The following SLC24A3 variants were observed in gnomAD, a reference collection of about 807,000 sequenced individuals.
SLC24A3 encodes the protein solute carrier family 24 member 3.
In SLC24A3, 28 loss-of-function variants were observed where a neutral mutation model predicts 75.8. The ratio of observed to expected loss-of-function variants is 0.37; its 90% CI spans 0.27 to 0.51. SLC24A3 has a LOEUF of 0.51. SLC24A3 is among the 20% of genes least tolerant of loss of function. SLC24A3 has a pLI of 0.94. For synonymous variants in SLC24A3, 372 were observed against 334.1 expected (o/e 1.11, Z -1.24); for missense variants, 663 against 847.8 (o/e 0.78, Z 2.71).
At chr20:19,589,870 C>G (rs763965106) in intron 6 of SLC24A3, among the ~76,000 whole-genome samples, 13 of 152,040 alleles carry the variant, frequency 8.6e-5, no homozygotes, top group Non-Finnish European at 1.9e-4. Flanking sequence ...GGCAAAGAGT[C>G]TATTGTCTGG....
intron 6 of SLC24A3, among the ~76,000 whole-genome samples, chr20:19,602,463 C>T (rs1007747470): frequency 5.3e-5 from 8 of 152,164 alleles, no homozygotes; most frequent in African/African-American, 1.9e-4. Context: ...CCTCTACCTT[C>T]TCCTTTACCC....
intron 3 of SLC24A3, among the ~76,000 whole-genome samples, chr20:19,551,674 T>G (rs2030696972): frequency 6.6e-6 from 1 of 151,892 alleles, no homozygotes; most frequent in Non-Finnish European, 1.5e-5. Flanking sequence ...CCCTTTAGCC[T>G]GGGCTGCCAT....
chr20:19,351,652 A>T (rs1234304814), intron 2 of SLC24A3, among the ~76,000 whole-genome samples: 1 of 151,914 alleles, frequency 6.6e-6, no homozygotes, highest in Non-Finnish European at 1.5e-5. Context: ...AGCATCTTTT[A>T]TCGATAGTTG....
At chr20:19,700,698 A>G (rs968133051) in intron 15 of SLC24A3, among the ~76,000 whole-genome samples, 2 of 152,186 alleles carry the variant, frequency 1.3e-5, no homozygotes, top group African/African-American at 2.4e-5. Context: ...AATTTTATAC[A>G]TTGCTTTTTA....
intron 2 of SLC24A3, among the ~76,000 whole-genome samples, chr20:19,317,070 AG>A (rs1984604261): frequency 6.6e-6 from 1 of 152,182 alleles, no homozygotes; most frequent in Non-Finnish European, 1.5e-5. Context: ...CAATGGGGAA[AG>A]GATTCCCTAT....
At chr20:19,634,179 T>G (rs2031971556) in intron 6 of SLC24A3, among the ~76,000 whole-genome samples, 1 of 152,172 alleles carries the variant, frequency 6.6e-6, no homozygotes, top group East Asian at 1.9e-4. Context: ...ATGTGCTATT[T>G]AAAGGGAAGC....
intron 6 of SLC24A3, among the ~76,000 whole-genome samples, chr20:19,624,960 G>C (rs918724882): frequency 6.6e-6 from 1 of 152,140 alleles, no homozygotes; most frequent in Non-Finnish European, 1.5e-5. Flanking sequence ...CAATGGAATG[G>C]TTCTTATGAT....
intron 11 of SLC24A3, among the ~76,000 whole-genome samples, chr20:19,684,783 G>C (rs548736227): frequency 5.5e-4 from 83 of 152,284 alleles, no homozygotes; most frequent in African/African-American, 1.9e-3. Flanking sequence ...CTCACATAGG[G>C]ACCCAGGAAC....
intron 3 of SLC24A3, among the ~76,000 whole-genome samples, chr20:19,558,479 T>G (rs1393213467): frequency 1.3e-5 from 2 of 152,138 alleles, no homozygotes; most frequent in Admixed American, 6.5e-5. Flanking sequence ...ACTTCACCAG[T>G]TTTCCCACCA....
At chr20:19,314,027 A>T (rs1160870162) in intron 2 of SLC24A3, among the ~76,000 whole-genome samples, 1 of 152,162 alleles carries the variant, frequency 6.6e-6, no homozygotes, top group Admixed American at 6.5e-5. Flanking sequence ...GCATCCCCTG[A>T]TGAAATTCAC....
chr20:19,721,460 C>T lies in SLC24A3; in HGVS notation c.*320C>T. The T allele has an allele frequency of 3.7e-6, 1 of 272,938 alleles. No homozygotes were observed. Among genetic ancestry groups the T allele is most frequent in the African/African-American group, 2.2e-5 (1 of 45,510 alleles). The allele number at this position is 272,938 out of a possible 1,614,324, so 16.9% of individuals were successfully genotyped here. ...CTGCTAACTGGCCTGAGCCAGGCAACACTGATTCCAATCCCTCCTCCTTTT... is the reference window on the plus strand; with the variant it reads ...CTGCTAACTGGCCTGAGCCAGGCAATACTGATTCCAATCCCTCCTCCTTTT... On this transcript the variant is annotated 3_prime_UTR_variant, in exon 17 of 17. Coordinates refer to ENST00000328041, the MANE Select transcript of SLC24A3 (RefSeq NM_020689.4).
At chr20:19,395,443 A>T (rs981163000) in intron 2 of SLC24A3, among the ~76,000 whole-genome samples, 1 of 152,134 alleles carries the variant, frequency 6.6e-6, no homozygotes, top group Admixed American at 6.5e-5. Flanking sequence ...TAGTTTGTAG[A>T]TTTTTCTTTC....
intron 2 of SLC24A3, among the ~76,000 whole-genome samples, chr20:19,439,609 CA>C (rs1270520882): frequency 6.6e-6 from 1 of 152,136 alleles, no homozygotes; most frequent in Admixed American, 6.5e-5. Flanking sequence ...CCTGATTCAC[CA>C]AAAACAAACC....
chr20:19,568,148 A>G (rs2030990627), intron 3 of SLC24A3, among the ~76,000 whole-genome samples: 1 of 152,234 alleles, frequency 6.6e-6, no homozygotes, highest in East Asian at 1.9e-4. Context: ...GGTGTTGGCA[A>G]GGATGTGGAG....
rs543012024 is a variant in SLC24A3, at chr20:19,559,739, T to G, written c.349-20261T>G. 3.8e-4 allele frequency among the ~76,000 whole-genome samples: 58 copies of G among 152,236 alleles called. 1 individual carries two copies. The South Asian group carries it at 0.012, about 32-fold the overall frequency. ...TGAGAATCATTAATTACATAATTAT[T>G]TGTAATAATTATGAGAAATTTTGAT... On this transcript the variant is annotated intron_variant, in intron 3 of 16. Coordinates refer to ENST00000328041, the MANE Select transcript of SLC24A3 (RefSeq NM_020689.4).
At chr20:19,699,693 A>G (rs2032849805) in intron 15 of SLC24A3, among the ~76,000 whole-genome samples, 1 of 152,202 alleles carries the variant, frequency 6.6e-6, no homozygotes, top group African/African-American at 2.4e-5. Flanking sequence ...AATGAAATGC[A>G]TCAGGAGAAG....
rs149390518 is a variant in SLC24A3 at position 19,344,334 on chromosome 20, C to T, written c.271+63247C>T. On this transcript the variant is annotated intron_variant, in intron 2 of 16. Transcript: ENST00000328041. ...ATACTCTGTCTCTGAGCAGTACTTG[C>T]GAGCATTCTGAATCCTAGCCTTTTA... Among the ~76,000 whole-genome samples the T allele has an allele frequency of 2.0e-3, 307 of 152,252 alleles. 1 individual carries two copies. The highest frequency in any genetic ancestry group is 6.9e-3 in the African/African-American group (288 of 41,528).
At chr20:19,641,666 C>A (rs569604191) in intron 6 of SLC24A3, among the ~76,000 whole-genome samples, 58 of 152,276 alleles carry the variant, frequency 3.8e-4, no homozygotes, top group African/African-American at 1.3e-3. Flanking sequence ...TGGTCTCAGT[C>A]CCTATCTCAT....
intron 3 of SLC24A3, among the ~76,000 whole-genome samples, chr20:19,576,329 A>G (rs2031134051): frequency 6.6e-6 from 1 of 152,232 alleles, no homozygotes; most frequent in Non-Finnish European, 1.5e-5. Flanking sequence ...TCACACTCCC[A>G]GTAGGTTTTC....
Sources: gnomAD v4.1 joint callset for allele counts (sites outside exome capture counted in the v4.1 genomes callset) on GRCh38, gnomAD v4.1.1 for gene constraint, MANE v1.5 for transcripts, NCBI Gene and HGNC (gene_info 2026-07-23, HGNC 2026-07-21) for gene names.